Variants in USP3 observed in about 807,000 individuals in gnomAD.
USP3 encodes the protein ubiquitin carboxyl-terminal hydrolase 3.
A neutral mutation model predicts 72.3 loss-of-function variants in USP3; 20 were observed. That is an observed-to-expected ratio of 0.28 (90% CI 0.19 to 0.40). The LOEUF (loss-of-function observed/expected upper bound fraction) is 0.40. USP3 is among the 10% of genes least tolerant of loss of function. USP3 has a pLI of 1.00. For synonymous variants in USP3, 222 were observed against 225.3 expected, an observed-to-expected ratio of 0.99 and a Z score of 0.13; for missense variants, 479 against 633.9, an observed-to-expected ratio of 0.76 and a Z score of 2.62.
At position 63,583,600 on chromosome 15, in the gene USP3, T is replaced by C. The variant is rs369455339; in HGVS notation, c.1097-4705T>C. On this transcript the variant is annotated intron_variant, in intron 11 of 14. Transcript: ENST00000380324. ...TTACTACTTGTAAAAATTTTTGTCATCCTAAACAGAAACTCTGTACCCATT... is the reference window on the plus strand; with the variant it reads ...TTACTACTTGTAAAAATTTTTGTCACCCTAAACAGAAACTCTGTACCCATT... 1.0e-3 allele frequency among the ~76,000 whole-genome samples: 154 copies of C among 152,330 alleles called. 6 individuals are homozygous for C. The South Asian group carries it at 0.031, about 31-fold the overall frequency.
rs2066759311 is a variant in USP3 at position 63,570,361 on chromosome 15, G to A, written c.762-72G>A. ...GGCTGCCGTCCTTTTCCACGCCTTG[G>A]CCTCTTGCTGGTGTGGCTGGGCACA... On this transcript the variant is annotated intron_variant, in intron 8 of 14. Transcript: ENST00000380324. The surrounding 1 kb of genome is among the most constrained non-coding windows in gnomAD (Gnocchi z 4.4). The A allele has an allele frequency of 6.2e-7, 1 of 1,602,090 alleles. No homozygotes were observed. Among genetic ancestry groups the A allele is most frequent in the South Asian group, 1.1e-5 (1 of 90,000 alleles).
intron 8 of USP3, among the ~76,000 whole-genome samples, chr15:63,568,136 C>T (rs1418894092): frequency 6.6e-6 from 1 of 151,902 alleles, no homozygotes; most frequent in Non-Finnish European, 1.5e-5. Flanking sequence ...GGGCGGATCA[C>T]GAGTCAGGAG....
chr15:63,541,465 TTTTG>T (rs1219737353), intron 3 of USP3, among the ~76,000 whole-genome samples: 2 of 152,022 alleles, frequency 1.3e-5, no homozygotes, highest in African/African-American at 2.4e-5. Flanking sequence ...ACAGGGAGAG[TTTTG>T]TTTATTTAAA....
At chr15:63,535,736 G>A (rs1035690379) in intron 2 of USP3, among the ~76,000 whole-genome samples, 1 of 152,210 alleles carries the variant, frequency 6.6e-6, no homozygotes, top group African/African-American at 2.4e-5. Flanking sequence ...GTTTTCCTGG[G>A]TAGAGGGGCT....
At chr15:63,552,732 CTCTT>C (rs58480713) in intron 3 of USP3, among the ~76,000 whole-genome samples, 1,720 of 152,200 alleles carry the variant, frequency 0.011, 28 homozygotes, top group African/African-American at 0.04. Flanking sequence ...CCCTTTCTCT[CTCTT>C]TCTTTCTCCC....
At chr15:63,560,119 T>A in intron 7 of USP3, 149 bp downstream of exon 7, 1 of 721,906 alleles carries the variant, frequency 1.4e-6, no homozygotes, top group Non-Finnish European at 2.2e-6. Flanking sequence ...TTAGCAATCT[T>A]AATAATTGTT....
In USP3 at chr15:63,570,249, T is replaced by C. The variant is rs2066757542; in HGVS notation, c.762-184T>C. Among the ~76,000 whole-genome samples the C allele has an allele frequency of 6.6e-6, 1 of 152,236 alleles. No homozygotes were observed. The highest frequency in any genetic ancestry group is 2.4e-5 in the African/African-American group (1 of 41,450). On this transcript the variant is annotated intron_variant, in intron 8 of 14. Transcript: ENST00000380324. The surrounding 1 kb of genome is among the most constrained non-coding windows in gnomAD (Gnocchi z 4.4). ...TGGTTTTCAAACCTATCTTAAACAGTAGAATTCATTCTTGAAGAGAAATTC... is the reference window on the plus strand; with the variant it reads ...TGGTTTTCAAACCTATCTTAAACAGCAGAATTCATTCTTGAAGAGAAATTC...
chr15:63,570,496 A>T lies in USP3; in HGVS notation c.825A>T (p.Glu275Asp). 2.5e-6 allele frequency: 4 copies of T among 1,614,190 alleles called. No homozygotes were observed. Among genetic ancestry groups the T allele is most frequent in the Non-Finnish European group, 3.4e-6 (4 of 1,180,038 alleles). The change falls in exon 9 of 15, where the codon GAA (glutamate) becomes GAT (aspartate). Residue 275 changes from glutamate (E) to aspartate (D), a missense_variant. Glu to Asp is a conservative substitution (Grantham distance 45). Coordinates refer to ENST00000380324, the MANE Select transcript of USP3 (RefSeq NM_006537.4). The surrounding 1 kb of genome is among the most constrained non-coding windows in gnomAD (Gnocchi z 4.4). ...MRYLLDHLHL[E>D]LQGGFNGVSR... ...ACCTTTTGGACCACCTACACTTGGAACTTCAGGGCGGTTTCAACGGTGTTT... is the reference window on the plus strand; with the variant it reads ...ACCTTTTGGACCACCTACACTTGGATCTTCAGGGCGGTTTCAACGGTGTTT...
In USP3 at chr15:63,590,925, A is replaced by C. The variant is rs2067186890; in HGVS notation, c.*99A>C. The C allele has an allele frequency of 7.2e-7, 1 of 1,380,348 alleles. No individual in the cohort carries two copies. Among genetic ancestry groups the C allele is most frequent in the Non-Finnish European group, 9.5e-7 (1 of 1,049,878 alleles). 85.5% of individuals were successfully genotyped at this position (1,380,348 alleles called of 1,614,324 possible). On this transcript the variant is annotated 3_prime_UTR_variant, in exon 15 of 15. Coordinates refer to ENST00000380324, the MANE Select transcript of USP3 (RefSeq NM_006537.4). The stretch of plus-strand genomic sequence containing the variant: ...GATTTAATTTCATTATGCACTTTTC[A>C]ATTTCCTATTTTGGATTTAGTTTTG...
intron 1 of USP3, among the ~76,000 whole-genome samples, chr15:63,505,357 T>G (rs981778446): frequency 6.6e-6 from 1 of 152,144 alleles, no homozygotes; most frequent in Non-Finnish European, 1.5e-5. Context: ...CGGGTTTCCT[T>G]TCCCTTCTCC....
chr15:63,507,136 GA>G (rs2065724174), intron 1 of USP3, among the ~76,000 whole-genome samples: 1 of 151,902 alleles, frequency 6.6e-6, no homozygotes, highest in African/African-American at 2.4e-5. Context: ...AAGGGTAGCC[GA>G]TGTGTTGACT....
At chr15:63,547,591 A>G (rs2066348454) in intron 3 of USP3, among the ~76,000 whole-genome samples, 1 of 151,892 alleles carries the variant, frequency 6.6e-6, no homozygotes, top group Admixed American at 6.6e-5. Context: ...ATAGCCAGGC[A>G]TGGTCGCTCA....
intron 6 of USP3, 120 bp from the exon 7 acceptor site, chr15:63,559,737 A>G (rs1456518339): frequency 6.6e-6 from 5 of 759,374 alleles, no homozygotes; most frequent in Non-Finnish European, 1.0e-5. Context: ...TGCACTGAGT[A>G]CAGTTTAAAT....
At chr15:63,547,655 A>G (rs2066349791) in intron 3 of USP3, among the ~76,000 whole-genome samples, 1 of 151,248 alleles carries the variant, frequency 6.6e-6, no homozygotes, top group Non-Finnish European at 1.5e-5. Flanking sequence ...GCTTGAGTCC[A>G]GGAGGTCAAG....
At chr15:63,539,890 C>A (rs2066218181) in intron 3 of USP3, among the ~76,000 whole-genome samples, 2 of 152,178 alleles carry the variant, frequency 1.3e-5, no homozygotes. Flanking sequence ...GACGAAGATG[C>A]AGTTTAAATT....
intron 1 of USP3, among the ~76,000 whole-genome samples, chr15:63,520,688 C>G (rs888765740): frequency 1.3e-5 from 2 of 151,356 alleles, no homozygotes; most frequent in South Asian, 4.2e-4. Context: ...CTCAGCCTCC[C>G]GAGTGGCTGG....
intron 6 of USP3, among the ~76,000 whole-genome samples, chr15:63,558,659 A>C (rs2066552335): frequency 6.6e-6 from 1 of 151,884 alleles, no homozygotes; most frequent in Non-Finnish European, 1.5e-5. Context: ...CAGATCACCT[A>C]AAGTCAGGAG....
At chr15:63,566,272 G>A (rs911515333) in intron 8 of USP3, among the ~76,000 whole-genome samples, 1 of 148,430 alleles carries the variant, frequency 6.7e-6, no homozygotes. Flanking sequence ...AAGGATTTTT[G>A]TAGACAAAAA....
At chr15:63,547,848 GAGAGAGAGAGAGAGGCAT>G (rs1330184748) in intron 3 of USP3, among the ~76,000 whole-genome samples, 3 of 88,234 alleles carry the variant, frequency 3.4e-5, no homozygotes, top group African/African-American at 1.1e-4. Flanking sequence ...GAGGGAGGGA[GAGAGAGAGAGAGAGGCAT>G]AGAGAGAGAG....
Sources: gnomAD v4.1 joint callset for allele counts (sites outside exome capture counted in the v4.1 genomes callset) on GRCh38, gnomAD v4.1.1 for gene constraint, Gnocchi (gnomAD v3.1) non-coding constraint, MANE v1.5 for transcripts, NCBI Gene and HGNC (gene_info 2026-07-23, HGNC 2026-07-21) for gene names.